TMTC2: variants seen among roughly 807,000 people sequenced by gnomAD.
TMTC2 encodes transmembrane O-mannosyltransferase targeting cadherins 2, also known as protein O-mannosyl-transferase TMTC2.
A neutral mutation model predicts 82.4 loss-of-function variants in TMTC2; 43 were observed. The observed-to-expected ratio is 0.52, with a 90% CI of 0.41 to 0.67. TMTC2 has a LOEUF of 0.67. Among genes scored for constraint, TMTC2 ranks in the 30% least tolerant of loss-of-function variants. TMTC2 has a pLI of 0.00. For synonymous variants in TMTC2, 408 were observed against 381.9 expected, an observed-to-expected ratio of 1.07 and a Z score of -0.80; for missense variants, 919 against 1,012.4, an observed-to-expected ratio of 0.91 and a Z score of 1.25.
chr12:83,059,786 C>G (rs908248224), intron 10 of TMTC2, among the ~76,000 whole-genome samples: 1 of 151,624 alleles, frequency 6.6e-6, no homozygotes, highest in African/African-American at 2.4e-5. Flanking sequence ...CTCTTTTGAT[C>G]CTTATCTACC....
intron 4 of TMTC2, among the ~76,000 whole-genome samples, chr12:82,949,953 G>A (rs1877256766): frequency 6.6e-6 from 1 of 152,140 alleles, no homozygotes; most frequent in African/African-American, 2.4e-5. Flanking sequence ...TTTATCTCAC[G>A]ATGCAAATTC....
At chr12:82,932,039 G>A (rs939469128) in intron 4 of TMTC2, among the ~76,000 whole-genome samples, 4 of 152,084 alleles carry the variant, frequency 2.6e-5, no homozygotes, top group African/African-American at 4.8e-5. Flanking sequence ...AATGAATGCT[G>A]TGTGATACTG....
intron 2 of TMTC2, among the ~76,000 whole-genome samples, chr12:82,864,535 G>C (rs1871722448): frequency 1.7e-5 from 2 of 119,272 alleles, no homozygotes; most frequent in South Asian, 5.2e-4. Context: ...CGGAGTCTCT[G>C]TCTGTCGCCA....
intron 3 of TMTC2, among the ~76,000 whole-genome samples, chr12:82,902,751 T>C (rs532112185): frequency 9.2e-5 from 14 of 152,272 alleles, no homozygotes; most frequent in African/African-American, 3.4e-4. Flanking sequence ...AAAAACTATT[T>C]ATTGAGTACT....
intron 1 of TMTC2, among the ~76,000 whole-genome samples, chr12:82,694,495 C>T (rs1263833405): frequency 6.6e-6 from 1 of 152,158 alleles, no homozygotes; most frequent in Non-Finnish European, 1.5e-5. Context: ...ATGCTATTTG[C>T]TTATGATGAT....
intron 3 of TMTC2, among the ~76,000 whole-genome samples, chr12:82,910,973 C>G (rs185120266): frequency 6.6e-6 from 1 of 151,908 alleles, no homozygotes; most frequent in East Asian, 1.9e-4. Context: ...CTCCACCACC[C>G]GGTTTCACGC....
At chr12:82,799,236 C>T (rs915812126) in intron 1 of TMTC2, among the ~76,000 whole-genome samples, 1 of 152,080 alleles carries the variant, frequency 6.6e-6, no homozygotes, top group Non-Finnish European at 1.5e-5. Context: ...TAGATTGTTA[C>T]GGACTGAGGG....
At chr12:82,918,893 G>C (rs1021354704) in intron 3 of TMTC2, among the ~76,000 whole-genome samples, 2 of 152,002 alleles carry the variant, frequency 1.3e-5, no homozygotes, top group African/African-American at 4.8e-5. Flanking sequence ...GAGTAGCTGG[G>C]ACTACAGGTG....
chr12:82,808,801 T>C (rs1290428895), intron 1 of TMTC2, among the ~76,000 whole-genome samples: 4 of 152,076 alleles, frequency 2.6e-5, no homozygotes, highest in Non-Finnish European at 5.9e-5. Context: ...AATAGATACA[T>C]AATATTTTTC....
chr12:82,922,170 A>G (rs1875434229), intron 3 of TMTC2, among the ~76,000 whole-genome samples: 1 of 152,214 alleles, frequency 6.6e-6, no homozygotes, highest in Non-Finnish European at 1.5e-5. Context: ...AACTTGGAGA[A>G]TTTTATTTCA....
At chr12:82,794,430 G>A (rs990276125) in intron 1 of TMTC2, among the ~76,000 whole-genome samples, 2 of 152,134 alleles carry the variant, frequency 1.3e-5, no homozygotes, top group African/African-American at 4.8e-5. Context: ...TCATAGAGCA[G>A]GCCAAGCTCT....
intron 11 of TMTC2, among the ~76,000 whole-genome samples, chr12:83,118,090 G>A (rs1008119480): frequency 9.2e-5 from 14 of 151,960 alleles, no homozygotes; most frequent in Non-Finnish European, 5.9e-5. Context: ...TGGTTTTCTA[G>A]GTATGCTGTC....
chr12:82,743,730 T>G (rs1228565844), intron 1 of TMTC2, among the ~76,000 whole-genome samples: 1 of 152,176 alleles, frequency 6.6e-6, no homozygotes, highest in African/African-American at 2.4e-5. Context: ...TCAAATCTAA[T>G]GCAAGCCCTG....
In TMTC2 at chr12:82,886,342, A is replaced by G. The variant is rs569161798; in HGVS notation, c.655-9476A>G. Among the ~76,000 whole-genome samples, 9 of 152,346 alleles carry G rather than the reference A, an allele frequency of 5.9e-5. No homozygotes were observed. The South Asian group carries it at 1.4e-3, about 25-fold the overall frequency. On this transcript the variant is annotated intron_variant, in intron 2 of 11. Transcript: ENST00000321196. Reference sequence around the variant, plus strand: ...GGTAACAACCATTGAAGGAATAAATACAAAAAAATTTAAGTAAAATTCAGG... The same window carrying G: ...GGTAACAACCATTGAAGGAATAAATGCAAAAAAATTTAAGTAAAATTCAGG...
chr12:82,912,592 C>A (rs964775590), intron 3 of TMTC2, among the ~76,000 whole-genome samples: 1 of 152,086 alleles, frequency 6.6e-6, no homozygotes, highest in African/African-American at 2.4e-5. Context: ...GTTGAGTAAT[C>A]TGAATATTTT....
rs773801744 is a variant in TMTC2, at chr12:82,857,056, A to C, written c.130A>C (p.Thr44Pro). ...NQDLLPETPWTHIFYNDFWGT... is the reference protein window; with the variant it reads ...NQDLLPETPWPHIFYNDFWGT... ...GGACCTTCTCCCAGAAACTCCATGG[A>C]CGCACATTTTCTACAATGATTTTTG... The change falls in exon 2 of 12, where the codon ACG becomes CCG. Residue 44 changes from threonine (T) to proline (P), a missense_variant. By Grantham distance (38) the Thr-to-Pro change is conservative. Coordinates refer to ENST00000321196, the MANE Select transcript of TMTC2 (RefSeq NM_152588.3). The C allele has an allele frequency of 1.2e-6, 2 of 1,613,264 alleles. No individual in the cohort carries two copies. The highest frequency in any genetic ancestry group is 2.2e-5 in the South Asian group (2 of 91,076).
intron 1 of TMTC2, among the ~76,000 whole-genome samples, chr12:82,783,108 T>A (rs1877989967): frequency 6.6e-6 from 1 of 152,134 alleles, no homozygotes; most frequent in Admixed American, 6.6e-5. Context: ...TAAATGAGTT[T>A]GAATAATTTC....
chr12:82,767,475 T>A (rs1419579216), intron 1 of TMTC2, among the ~76,000 whole-genome samples: 4 of 152,106 alleles, frequency 2.6e-5, no homozygotes, highest in Non-Finnish European at 4.4e-5. Context: ...TGATCCCAGC[T>A]ACTTGGGAGG....
intron 1 of TMTC2, among the ~76,000 whole-genome samples, chr12:82,734,787 A>G (rs138415994): frequency 1.1e-4 from 16 of 152,280 alleles, no homozygotes; most frequent in African/African-American, 3.8e-4. Context: ...TTTCTTTGTT[A>G]TTATTATCCA....
Sources: allele counts gnomAD v4.1 joint callset (sites outside exome capture counted in the v4.1 genomes callset), GRCh38; gene constraint gnomAD v4.1.1; transcripts MANE v1.5; gene names NCBI Gene and HGNC (gene_info 2026-07-23, HGNC 2026-07-21).